SLC4A8: variants seen among roughly 807,000 people sequenced by gnomAD.
SLC4A8 encodes solute carrier family 4 member 8.
SLC4A8 carries 40 observed loss-of-function variants against 125.0 expected under a neutral mutation model. The ratio of observed to expected loss-of-function variants is 0.32; its 90% CI spans 0.25 to 0.42. The LOEUF is 0.42. Ranked by LOEUF, SLC4A8 falls within the 10% of genes least tolerant of loss-of-function variation. The pLI is 1.00. For synonymous variants in SLC4A8, 456 were observed against 476.0 expected, an observed-to-expected ratio of 0.96 and a Z score of 0.55; for missense variants, 863 against 1,355.1, an observed-to-expected ratio of 0.64 and a Z score of 5.70.
chr12:51,505,176 A>T (rs1390122355), intron 23 of SLC4A8, among the ~76,000 whole-genome samples: 4 of 152,288 alleles, frequency 2.6e-5, no homozygotes, highest in South Asian at 4.1e-4. Flanking sequence ...TTCCCCTGTA[A>T]CAGGATGCTG....
In SLC4A8 at chr12:51,458,607, A is replaced by G. The variant is rs1267008791; in HGVS notation, c.812A>G (p.Lys271Arg). 3 of 1,613,864 alleles carry G rather than the reference A, an allele frequency of 1.9e-6. No individual in the cohort carries two copies. The highest frequency in any genetic ancestry group is 2.5e-6 in the Non-Finnish European group (3 of 1,179,880). Residue 271 changes from lysine (K) to arginine (R), a missense_variant, in exon 7 of 25, where the codon AAA becomes AGA. Transcript: ENST00000453097. ...QSVPTTNLEVKNGVNCEHSPV... is the reference protein window; with the variant it reads ...QSVPTTNLEVRNGVNCEHSPV... The stretch of plus-strand genomic sequence containing the variant: ...GTTCCAACTACAAATCTTGAAGTAA[A>G]AAATGGAGTGAATTGTGAACATAGT...
intron 1 of SLC4A8, among the ~76,000 whole-genome samples, chr12:51,398,979 T>A (rs985876150): frequency 5.3e-5 from 8 of 152,102 alleles, no homozygotes; most frequent in African/African-American, 1.9e-4. Context: ...GAACTCCTGA[T>A]CTCAGGTGAT....
chr12:51,413,396 A>AGT, intron 1 of SLC4A8, among the ~76,000 whole-genome samples: 1 of 152,106 alleles, frequency 6.6e-6, no homozygotes, highest in East Asian at 1.9e-4. Context: ...TTTCCTTTGC[A>AGT]GTGAAAGAGC....
At position 51,463,605 on chromosome 12, in the gene SLC4A8, T is replaced by A. The variant is rs947013338; in HGVS notation, c.1249-9T>A. 6.2e-7 allele frequency: 1 copy of A among 1,602,988 alleles called. No homozygotes were observed. Among genetic ancestry groups the A allele is most frequent in the Non-Finnish European group, 8.5e-7 (1 of 1,169,902 alleles). On this transcript the variant is annotated splice_polypyrimidine_tract_variant and intron_variant, in intron 10 of 24. Coordinates refer to ENST00000453097, the MANE Select transcript of SLC4A8 (RefSeq NM_001039960.3). ...TACCTTTACTAATTTTGTGGTCTTCTGTTAAAAGGAGAAAAGGAAAATGCC... is the reference window on the plus strand; with the variant it reads ...TACCTTTACTAATTTTGTGGTCTTCAGTTAAAAGGAGAAAAGGAAAATGCC...
At chr12:51,399,460 T>A (rs565903328) in intron 1 of SLC4A8, among the ~76,000 whole-genome samples, 6 of 138,992 alleles carry the variant, frequency 4.3e-5, no homozygotes, top group Non-Finnish European at 6.5e-5. Flanking sequence ...AAATAGCAGC[T>A]TCTTAATTTT....
rs868523534 is a variant in SLC4A8, at chr12:51,417,738, G to A, written c.-111-22970G>A. Among the ~76,000 whole-genome samples the A allele has an allele frequency of 2.6e-5, 4 of 152,034 alleles. No individual in the cohort carries two copies. The South Asian group carries it at 8.3e-4, about 32-fold the overall frequency. On this transcript the variant is annotated intron_variant, in intron 1 of 24. Transcript: ENST00000358657. ...TCACTATGTTGGCCAGGCTGGTCTCGAACTCCTGACCTCGTGATCTGCCCA... is the reference window on the plus strand; with the variant it reads ...TCACTATGTTGGCCAGGCTGGTCTCAAACTCCTGACCTCGTGATCTGCCCA...
rs190557805 is a variant in SLC4A8, at chr12:51,496,810, A to G, written c.2944-177A>G. Among the ~76,000 whole-genome samples, 281 of 152,328 alleles carry G rather than the reference A, an allele frequency of 1.8e-3. 1 individual carries two copies. Among genetic ancestry groups the G allele is most frequent in the African/African-American group, 6.5e-3 (272 of 41,572 alleles). On this transcript the variant is annotated intron_variant, in intron 21 of 24. Coordinates refer to ENST00000453097, the MANE Select transcript of SLC4A8 (RefSeq NM_001039960.3). ...GCTGTTATGATAGTTAAAATACTGT[A>G]TGTAACACATGTTACCTGGCACAAA...
chr12:51,497,328 A>C, intron 22 of SLC4A8: 1 of 549,884 alleles, frequency 1.8e-6, no homozygotes, highest in Non-Finnish European at 3.2e-6. Context: ...ACAACCACTT[A>C]TTTTTTCCTT....
At position 51,408,405 on chromosome 12, in the gene SLC4A8, A is replaced by AT. The variant is rs144145991; in HGVS notation, c.-112+16928dup. Among the ~76,000 whole-genome samples, 531 of 145,054 alleles carry AT rather than the reference A, an allele frequency of 3.7e-3. 6 individuals are homozygous for AT. The highest frequency in any genetic ancestry group is 0.011 in the African/African-American group (445 of 39,716). On this transcript the variant is annotated intron_variant, in intron 1 of 24. Coordinates refer to the SLC4A8 transcript ENST00000358657. ...CCACCATACCCAGCTAATTTTTTGT[A>AT]TTTTTTTTTTTAGTAGCGATGGGGT... is the stretch of plus-strand genomic sequence containing the variant.
At chr12:51,433,221 C>G (rs1362235784) in intron 1 of SLC4A8, among the ~76,000 whole-genome samples, 1 of 152,198 alleles carries the variant, frequency 6.6e-6, no homozygotes, top group African/African-American at 2.4e-5. Context: ...CTTTCTTTCT[C>G]AAGCCTTGCC....
upstream of SLC4A8, among the ~76,000 whole-genome samples, chr12:51,420,719 C>T (rs1426057934): frequency 1.3e-5 from 2 of 152,186 alleles, no homozygotes; most frequent in African/African-American, 2.4e-5. Flanking sequence ...ATGGCCACGT[C>T]AGGAAGCCAC....
chr12:51,414,276 A>C (rs1231222767), intron 1 of SLC4A8, among the ~76,000 whole-genome samples: 2 of 151,232 alleles, frequency 1.3e-5, no homozygotes, highest in Non-Finnish European at 2.9e-5. Flanking sequence ...TACCTTGTAT[A>C]CTGCAATTTT....
rs185533371 is a variant in SLC4A8 at position 51,471,936 on chromosome 12, G to T, written c.1904+404G>T. On this transcript the variant is annotated intron_variant, in intron 14 of 24. Transcript: ENST00000453097. ...GACTCTGTCCTTTGTTGAAATGAAG[G>T]ACTCTCTTTCTCTGAAAGTATGTAC... Among the ~76,000 whole-genome samples the T allele has an allele frequency of 3.8e-3, 581 of 152,226 alleles. 1 individual carries two copies. Among genetic ancestry groups the T allele is most frequent in the South Asian group, 5.2e-3 (25 of 4,828 alleles).
At chr12:51,497,197 T>G (rs1951484734) in intron 22 of SLC4A8, 73 bp downstream of exon 22, 1 of 1,470,616 alleles carries the variant, frequency 6.8e-7, no homozygotes, top group African/African-American at 1.4e-5. Context: ...ATGTGAAAAG[T>G]CAGCATGTCT....
intron 1 of SLC4A8, among the ~76,000 whole-genome samples, chr12:51,415,922 A>C (rs980955767): frequency 8.6e-5 from 13 of 151,196 alleles, no homozygotes; most frequent in African/African-American, 3.2e-4. Context: ...AATAAAATTA[A>C]ATATAATAAT....
At chr12:51,435,202 G>A (rs914884957) in intron 1 of SLC4A8, among the ~76,000 whole-genome samples, 3 of 152,214 alleles carry the variant, frequency 2.0e-5, no homozygotes, top group Admixed American at 2.0e-4. Context: ...GGCATACAAT[G>A]TCTGATTGTC....
At position 51,401,729 on chromosome 12, in the gene SLC4A8, C is replaced by A. The variant is rs370796322; in HGVS notation, c.-112+10241C>A. Among the ~76,000 whole-genome samples the A allele has an allele frequency of 2.0e-5, 3 of 152,236 alleles. No individual in the cohort carries two copies. In the East Asian group the frequency reaches 5.8e-4, roughly 29 times the overall value. Reference sequence around the variant, plus strand: ...ACGTTTGGGCATGAAAACAGAAATGCCTGTCCTCACCTAGGTCCCTGGGCA... The same window carrying A: ...ACGTTTGGGCATGAAAACAGAAATGACTGTCCTCACCTAGGTCCCTGGGCA... On this transcript the variant is annotated intron_variant, in intron 1 of 24. Transcript: ENST00000358657.
In SLC4A8 at chr12:51,471,338, C is replaced by T. The variant is rs768120271; in HGVS notation, c.1710C>T (p.Thr570=). ...TGCGAGCTTGTATTGGACTGTGGAC[C>T]GCTTTCCTGTGTATTGTCCTTGTGG... ...LSLRACIGLW[T]AFLCIVLVAT... is the part of the protein sequence containing the mutation. The change falls in exon 14 of 25, where the codon ACC becomes ACT. Residue 570 remains threonine (T), a synonymous_variant. Transcript: ENST00000453097. 15 of 1,613,820 alleles carry T rather than the reference C, an allele frequency of 9.3e-6. No homozygotes were observed. The East Asian group carries it at 1.1e-4, about 12-fold the overall frequency.
At chr12:51,478,727 G>C (rs1370289117) in intron 16 of SLC4A8, among the ~76,000 whole-genome samples, 2 of 152,288 alleles carry the variant, frequency 1.3e-5, no homozygotes, top group Non-Finnish European at 2.9e-5. Context: ...GAAACTGTAG[G>C]AAAATGAAGC....
Sources: allele counts gnomAD v4.1 joint callset (sites outside exome capture counted in the v4.1 genomes callset), GRCh38; gene constraint gnomAD v4.1.1; transcripts MANE v1.5; gene names NCBI Gene and HGNC (gene_info 2026-07-23, HGNC 2026-07-21).